Variants in RFX2 observed in about 807,000 individuals in gnomAD.
RFX2 encodes the protein DNA-binding protein RFX2.
Under a neutral mutation model 87.8 loss-of-function variants are expected in RFX2, and 20 were observed. The ratio of observed to expected loss-of-function variants is 0.23; its 90% CI spans 0.16 to 0.33. RFX2 has a LOEUF of 0.33. Ranked by LOEUF, RFX2 falls within the 10% of genes least tolerant of loss-of-function variation. The pLI, the probability that RFX2 is intolerant of heterozygous loss-of-function variation, is 1.00. For synonymous variants in RFX2, 397 were observed against 431.3 expected, an observed-to-expected ratio of 0.92 and a Z score of 0.98; for missense variants, 767 against 1,012.3, an observed-to-expected ratio of 0.76 and a Z score of 3.29.
chr19:6,032,711 T>C lies in RFX2; in HGVS notation c.523-6474A>G, dbSNP rs2086967743. The stretch of plus-strand genomic sequence containing the variant: ...ACATTCACACTTGCTTTAATTATTT[T>C]CCCTCAGTCTCTATTTAGTTCTGCA... On this transcript the variant is annotated intron_variant, in intron 5 of 17. Transcript: ENST00000303657. Among the ~76,000 whole-genome samples the C allele has an allele frequency of 1.3e-5, 2 of 152,240 alleles. 1 individual carries two copies. Among genetic ancestry groups the C allele is most frequent in the South Asian group, 4.1e-4 (2 of 4,832 alleles).
intron 1 of RFX2, among the ~76,000 whole-genome samples, chr19:6,060,630 A>G (rs1110623): frequency 0.63 from 96,413 of 152,020 alleles, 32,867 homozygotes; most frequent in African/African-American, 0.9. Context: ...ATGTCTGCCC[A>G]CTGTTCTTCT....
rs566297945 is a variant in RFX2, at chr19:6,003,294, G to A, written c.1501-424C>T. 2.9e-4 allele frequency among the ~76,000 whole-genome samples: 44 copies of A among 152,202 alleles called. No homozygotes were observed. In the South Asian group the frequency reaches 6.6e-3, roughly 23 times the overall value. On this transcript the variant is annotated intron_variant, in intron 13 of 17. Coordinates refer to ENST00000303657, the MANE Select transcript of RFX2 (RefSeq NM_000635.4). ...TGCCCAGGCTGGTCTCAAACTCGTGGCATCAAATGATCCTCCAGTCTCTGT... is the reference window on the plus strand; with the variant it reads ...TGCCCAGGCTGGTCTCAAACTCGTGACATCAAATGATCCTCCAGTCTCTGT...
At chr19:6,032,454 G>A (rs1568515944) in intron 5 of RFX2, among the ~76,000 whole-genome samples, 3 of 152,190 alleles carry the variant, frequency 2.0e-5, no homozygotes, top group African/African-American at 7.2e-5. Flanking sequence ...GTTTTTAAAA[G>A]GGAAAAGCAG....
chr19:6,056,233 G>A lies in RFX2; in HGVS notation c.-8-8729C>T, dbSNP rs900884554. On this transcript the variant is annotated intron_variant, in intron 1 of 17. Transcript: ENST00000303657. This position sits in a 1 kb window ranked among gnomAD's most constrained non-coding sequence, Gnocchi z 4.6. ...ATACAAGGGTGGAGAGGAGGACGGA[G>A]AGTGGGTACAGGTATCCAGGTGTTA... 6.6e-6 allele frequency among the ~76,000 whole-genome samples: 1 copy of A among 152,220 alleles called. No homozygotes were observed. The highest frequency in any genetic ancestry group is 1.5e-5 in the Non-Finnish European group (1 of 68,040).
intron 5 of RFX2, among the ~76,000 whole-genome samples, chr19:6,035,612 GA>G (rs1191368822): frequency 6.6e-6 from 1 of 152,142 alleles, no homozygotes; most frequent in African/African-American, 2.4e-5. Flanking sequence ...AAAGTCCCGA[GA>G]AACAAAACTC....
At chr19:6,097,065 G>A (rs2144895937) in intron 1 of RFX2, among the ~76,000 whole-genome samples, 1 of 152,326 alleles carries the variant, frequency 6.6e-6, no homozygotes, top group Non-Finnish European at 1.5e-5. Context: ...GACCAGTTTG[G>A]GTGGTGGGAC....
chr19:6,042,227 T>C, intron 3 of RFX2, 104 bp from the exon 4 acceptor site: 1 of 995,852 alleles, frequency 1.0e-6, no homozygotes, highest in South Asian at 1.3e-5. Context: ...GAACATTTAG[T>C]ACCAAATGAC....
At chr19:6,025,326 T>C (rs1364945477) in intron 6 of RFX2, among the ~76,000 whole-genome samples, 3 of 152,160 alleles carry the variant, frequency 2.0e-5, no homozygotes, top group Non-Finnish European at 4.4e-5. Flanking sequence ...GTGATCACGG[T>C]CTTCTCCCAA....
At position 6,004,183 on chromosome 19, in the gene RFX2, G is replaced by T; in HGVS notation, c.1500+18C>A. 6.3e-7 allele frequency: 1 copy of T among 1,598,126 alleles called. No individual in the cohort carries two copies. The highest frequency in any genetic ancestry group is 8.6e-7 in the Non-Finnish European group (1 of 1,165,396). On this transcript the variant is annotated intron_variant, in intron 13 of 17. Transcript: ENST00000303657. The surrounding 1 kb of genome is among the most constrained non-coding windows in gnomAD (Gnocchi z 4.8). ...TCCCAGCCATCGTTGGGGAGCCCAG[G>T]CCCCACCCCGGACGCACCTTGGTCT...
chr19:6,102,654 C>T (rs1398372938), intron 1 of RFX2, among the ~76,000 whole-genome samples: 2 of 152,222 alleles, frequency 1.3e-5, no homozygotes, highest in Non-Finnish European at 2.9e-5. Flanking sequence ...ACCTGCTGCC[C>T]CCTTCCTGGA....
intron 1 of RFX2, among the ~76,000 whole-genome samples, chr19:6,077,292 G>A (rs949579229): frequency 6.6e-6 from 1 of 152,128 alleles, no homozygotes; most frequent in African/African-American, 2.4e-5. Context: ...CAATTCCTTC[G>A]CCAGTGCTGG....
Position 6,023,406 on chromosome 19 carries a change from C to T in RFX2, c.597+2757G>A, listed in dbSNP as rs374401882. Reference sequence around the variant, plus strand: ...CCTGGGGACAATCGTTGCAAGGGCACGTCACCCCGTCCATCAGCAGATCAC... The same window carrying T: ...CCTGGGGACAATCGTTGCAAGGGCATGTCACCCCGTCCATCAGCAGATCAC... On this transcript the variant is annotated intron_variant, in intron 6 of 17. Transcript: ENST00000303657. This position sits in a 1 kb window ranked among gnomAD's most constrained non-coding sequence, Gnocchi z 4.9. 2.0e-3 allele frequency among the ~76,000 whole-genome samples: 299 copies of T among 152,366 alleles called. 1 individual carries two copies. Among genetic ancestry groups the T allele is most frequent in the African/African-American group, 6.7e-3 (279 of 41,588 alleles).
chr19:5,996,627 C>A (rs898399517), intron 16 of RFX2, among the ~76,000 whole-genome samples: 6 of 152,230 alleles, frequency 3.9e-5, no homozygotes, highest in African/African-American at 1.4e-4. Context: ...GACAGAGGTG[C>A]CAGCTGCACG....
chr19:6,039,527 C>T lies in RFX2; in HGVS notation c.522+453G>A, dbSNP rs996903085. Among the ~76,000 whole-genome samples the T allele has an allele frequency of 3.9e-5, 6 of 152,182 alleles. No individual in the cohort carries two copies. The highest frequency in any genetic ancestry group is 7.3e-5 in the Non-Finnish European group (5 of 68,030). On this transcript the variant is annotated intron_variant, in intron 5 of 17. Transcript: ENST00000303657. The surrounding 1 kb of genome is among the most constrained non-coding windows in gnomAD (Gnocchi z 5.2). The stretch of plus-strand genomic sequence containing the variant: ...AGAGACTCTGGAAAAGCAGATAAGT[C>T]GTTATTTTGCATCGGGGCATGGCAG...
chr19:6,053,480 A>G (rs1200813346), intron 1 of RFX2, among the ~76,000 whole-genome samples: 1 of 152,230 alleles, frequency 6.6e-6, no homozygotes, highest in Admixed American at 6.5e-5. Context: ...TCTCGAGGAA[A>G]CTATGGACTT....
chr19:6,079,876 C>G (rs1370514208), intron 1 of RFX2, among the ~76,000 whole-genome samples: 2 of 126,850 alleles, frequency 1.6e-5, no homozygotes, highest in Non-Finnish European at 3.1e-5. Context: ...CAAAGCAAGA[C>G]TCTGTCTCAA....
intron 5 of RFX2, among the ~76,000 whole-genome samples, chr19:6,031,329 C>G (rs2086950272): frequency 6.6e-6 from 1 of 150,538 alleles, no homozygotes; most frequent in Non-Finnish European, 1.5e-5. Flanking sequence ...GATGTGTGCT[C>G]AAGAGTTGAA....
At chr19:6,062,411 G>T (rs1243945695) in intron 1 of RFX2, among the ~76,000 whole-genome samples, 1 of 152,184 alleles carries the variant, frequency 6.6e-6, no homozygotes. Flanking sequence ...GCCATGAGCT[G>T]AAGGTCACAA....
In RFX2 at chr19:6,027,411, A is replaced by C. The variant is rs183231967; in HGVS notation, c.523-1174T>G. 6.6e-6 allele frequency: 1 copy of C among 152,432 alleles called. No homozygotes were observed. Among genetic ancestry groups the C allele is most frequent in the Non-Finnish European group, 1.5e-5 (1 of 68,086 alleles). 9.4% of individuals were successfully genotyped at this position (152,432 alleles called of 1,614,324 possible). A position where few individuals can be genotyped will look rare whatever the true frequency, so the allele number is the denominator to read the frequency against. On this transcript the variant is annotated intron_variant, in intron 5 of 17. Coordinates refer to ENST00000303657, the MANE Select transcript of RFX2 (RefSeq NM_000635.4). The surrounding 1 kb of genome is among the most constrained non-coding windows in gnomAD (Gnocchi z 5.0). ...GAGACCTCTCCCACCCATCAGCCTC[A>C]GGGTGCAGGCGATGAGAAGGCAATC...
Sources: gnomAD v4.1 joint callset for allele counts (sites outside exome capture counted in the v4.1 genomes callset) on GRCh38, gnomAD v4.1.1 for gene constraint, Gnocchi (gnomAD v3.1) non-coding constraint, MANE v1.5 for transcripts, NCBI Gene and HGNC (gene_info 2026-07-23, HGNC 2026-07-21) for gene names.